Variants in COL15A1 observed in about 807,000 individuals in gnomAD.
The protein encoded by COL15A1 is collagen type XV alpha 1 chain, also known as collagen alpha-1(XV) chain.
Under a neutral mutation model 165.9 loss-of-function variants are expected in COL15A1, and 111 were observed. That is an observed-to-expected ratio of 0.67 (90% CI 0.57 to 0.78). The LOEUF is 0.78. COL15A1 is among the 30% of genes least tolerant of loss of function. The pLI is 0.00. For synonymous variants in COL15A1, 659 were observed against 674.8 expected (o/e 0.98, Z 0.36); for missense variants, 1,745 against 1,789.7 (o/e 0.98, Z 0.45).
At chr9:99,066,448 G>A (rs908748509) in intron 39 of COL15A1, among the ~76,000 whole-genome samples, 5 of 152,122 alleles carry the variant, frequency 3.3e-5, no homozygotes, top group African/African-American at 1.2e-4. Context: ...AGGGCTGCAG[G>A]CAGATAGCTG....
chr9:98,982,414 T>A (rs1006640418), intron 2 of COL15A1, among the ~76,000 whole-genome samples: 7 of 152,184 alleles, frequency 4.6e-5, no homozygotes, highest in African/African-American at 1.7e-4. Context: ...TTATGACACA[T>A]CTCAGTTGGG....
chr9:98,986,978 G>A (rs1346474295), intron 3 of COL15A1, among the ~76,000 whole-genome samples: 1 of 152,040 alleles, frequency 6.6e-6, no homozygotes, highest in Admixed American at 6.5e-5. Context: ...AGAGGGAGAT[G>A]TGCGTTTCAG....
intron 5 of COL15A1, among the ~76,000 whole-genome samples, chr9:98,995,569 G>T (rs1349529639): frequency 6.6e-6 from 1 of 152,106 alleles, no homozygotes; most frequent in Non-Finnish European, 1.5e-5. Flanking sequence ...CAAGCCCTGG[G>T]CTCTTGCCAA....
intron 19 of COL15A1, among the ~76,000 whole-genome samples, chr9:99,035,682 TC>T (rs1839289228): frequency 6.6e-6 from 1 of 152,228 alleles, no homozygotes; most frequent in Non-Finnish European, 1.5e-5. Context: ...TCTCTCTCCC[TC>T]TGCCTCTTCT....
chr9:99,012,512 C>T (rs1838861965), intron 9 of COL15A1, among the ~76,000 whole-genome samples: 1 of 152,240 alleles, frequency 6.6e-6, no homozygotes, highest in South Asian at 2.1e-4. Flanking sequence ...AGATAGAGAA[C>T]TTAGGAACTT....
chr9:99,065,858 C>T (rs998586480), intron 39 of COL15A1, among the ~76,000 whole-genome samples: 1 of 151,422 alleles, frequency 6.6e-6, no homozygotes, highest in Admixed American at 6.6e-5. Context: ...TTGTGGCCAA[C>T]TGGCTGGAAG....
intron 2 of COL15A1, among the ~76,000 whole-genome samples, chr9:98,952,764 G>A (rs993229483): frequency 1.3e-5 from 2 of 152,144 alleles, no homozygotes; most frequent in South Asian, 2.1e-4. Flanking sequence ...TAAAGTGTGA[G>A]CTATTGCCTC....
rs1055905996 is a variant in COL15A1, at chr9:99,062,310, T to A, written c.3591+6T>A. The A allele has an allele frequency of 1.2e-6, 2 of 1,600,532 alleles. No individual in the cohort carries two copies. Among genetic ancestry groups the A allele is most frequent in the Non-Finnish European group, 1.7e-6 (2 of 1,167,512 alleles). ...CCCCTGCGCTTTCCAGCAACGTGAG[T>A]AGTTACCCTGTTGGACTGCTCATGC... On this transcript the variant is annotated splice_donor_region_variant and intron_variant, in intron 38 of 41. Coordinates refer to ENST00000375001, the MANE Select transcript of COL15A1 (RefSeq NM_001855.5).
chr9:99,037,800 A>C (rs771805539), intron 21 of COL15A1, among the ~76,000 whole-genome samples: 6 of 152,194 alleles, frequency 3.9e-5, no homozygotes, highest in Non-Finnish European at 8.8e-5. Context: ...TTTACCAGGT[A>C]GGCACGGAGG....
chr9:99,036,269 G>A lies in COL15A1; in HGVS notation c.2326-44G>A, dbSNP rs149085555. On this transcript the variant is annotated intron_variant, in intron 20 of 41. Transcript: ENST00000375001. Reference sequence around the variant, plus strand: ...CCAGCCTGGTTCTGGGAGCATTATCGCTGTACAGTGAATTTTTTTCTCACT... The same window carrying A: ...CCAGCCTGGTTCTGGGAGCATTATCACTGTACAGTGAATTTTTTTCTCACT... 1.7e-4 allele frequency: 271 copies of A among 1,613,810 alleles called. 1 individual carries two copies. The African/African-American group carries it at 2.9e-3, about 18-fold the overall frequency.
At chr9:99,001,836 ACT>A (rs1177446551) in intron 7 of COL15A1, among the ~76,000 whole-genome samples, 3 of 151,476 alleles carry the variant, frequency 2.0e-5, no homozygotes, top group African/African-American at 7.3e-5. Context: ...GATTGTTGGA[ACT>A]CTCTCTTATG....
At chr9:99,062,350 A>G in intron 38 of COL15A1, 46 bp downstream of exon 38, 2 of 1,376,122 alleles carry the variant, frequency 1.5e-6, no homozygotes, top group South Asian at 1.2e-5. Context: ...ATTTATCAGC[A>G]TTTCCTGAGT....
At chr9:99,011,211 A>G (rs1237892084) in intron 9 of COL15A1, among the ~76,000 whole-genome samples, 1 of 152,160 alleles carries the variant, frequency 6.6e-6, no homozygotes, top group Non-Finnish European at 1.5e-5. Flanking sequence ...GTTCAAACCA[A>G]TTCTTTAGTG....
intron 21 of COL15A1, 64 bp from the exon 22 acceptor site, chr9:99,038,604 T>A: frequency 9.8e-7 from 1 of 1,024,496 alleles, no homozygotes; most frequent in East Asian, 2.4e-5. Context: ...AAAGCTTTGC[T>A]GCCAGGAACA....
chr9:99,013,562 A>T (rs934778181), intron 9 of COL15A1, among the ~76,000 whole-genome samples: 4 of 151,986 alleles, frequency 2.6e-5, no homozygotes, highest in African/African-American at 9.7e-5. Flanking sequence ...AAAAAAAAAA[A>T]AAACAGCTAA....
intron 9 of COL15A1, among the ~76,000 whole-genome samples, chr9:99,014,832 C>T (rs1479667102): frequency 1.3e-5 from 2 of 152,136 alleles, no homozygotes; most frequent in Non-Finnish European, 2.9e-5. Context: ...CAGGACAACT[C>T]AAAGTGGGGA....
intron 21 of COL15A1, among the ~76,000 whole-genome samples, chr9:99,036,771 C>T (rs574857274): frequency 6.6e-6 from 1 of 152,330 alleles, no homozygotes; most frequent in South Asian, 2.1e-4. Context: ...ACCTTGATTA[C>T]TGATGGAGGT....
At chr9:99,024,606 T>G (rs569285173) in intron 14 of COL15A1, among the ~76,000 whole-genome samples, 3 of 152,324 alleles carry the variant, frequency 2.0e-5, no homozygotes, top group South Asian at 2.1e-4. Context: ...TGGATCTTTC[T>G]TGTATTCAGC....
At chr9:98,981,756 T>C (rs1402146392) in intron 2 of COL15A1, among the ~76,000 whole-genome samples, 1 of 152,176 alleles carries the variant, frequency 6.6e-6, no homozygotes, top group Non-Finnish European at 1.5e-5. Flanking sequence ...GCTGAATTGA[T>C]ACTGTCTTTC....
Sources: allele counts gnomAD v4.1 joint callset (sites outside exome capture counted in the v4.1 genomes callset), GRCh38; gene constraint gnomAD v4.1.1; transcripts MANE v1.5; gene names NCBI Gene and HGNC (gene_info 2026-07-23, HGNC 2026-07-21).